SEMA5A: variants seen among roughly 807,000 people sequenced by gnomAD.
SEMA5A encodes semaphorin-5A.
In SEMA5A, 55 loss-of-function variants were observed where a neutral mutation model predicts 135.5. The observed-to-expected ratio is 0.41, with a 90% CI of 0.33 to 0.51. SEMA5A has a LOEUF of 0.51. SEMA5A is among the 20% of genes least tolerant of loss of function. SEMA5A has a pLI of 0.37. For synonymous variants in SEMA5A, 580 were observed against 546.5 expected, an observed-to-expected ratio of 1.06 and a Z score of -0.85; for missense variants, 1,290 against 1,419.9, an observed-to-expected ratio of 0.91 and a Z score of 1.47.
At chr5:9,307,202 G>GC (rs1371326782) in intron 5 of SEMA5A, among the ~76,000 whole-genome samples, 1 of 152,146 alleles carries the variant, frequency 6.6e-6, no homozygotes, top group Non-Finnish European at 1.5e-5. Context: ...AGTGGCAATA[G>GC]CCCCCACAAC....
At chr5:9,456,673 A>G (rs1758847448) in intron 1 of SEMA5A, among the ~76,000 whole-genome samples, 1 of 152,206 alleles carries the variant, frequency 6.6e-6, no homozygotes, top group African/African-American at 2.4e-5. Flanking sequence ...CCCAGCTGCA[A>G]TAACAAAGGC....
At chr5:9,231,398 C>T (rs141658684) in intron 6 of SEMA5A, among the ~76,000 whole-genome samples, 7 of 125,244 alleles carry the variant, frequency 5.6e-5, no homozygotes, top group Admixed American at 3.2e-4. Flanking sequence ...ACTCAGGAGG[C>T]GGAGCTTACA....
intron 5 of SEMA5A, among the ~76,000 whole-genome samples, chr5:9,299,201 A>T (rs935162865): frequency 6.6e-6 from 1 of 152,156 alleles, no homozygotes; most frequent in Non-Finnish European, 1.5e-5. Flanking sequence ...TCATCTATTC[A>T]TCTGGTCTAA....
intron 1 of SEMA5A, among the ~76,000 whole-genome samples, chr5:9,491,203 G>A (rs1195247969): frequency 2.0e-5 from 3 of 152,112 alleles, no homozygotes; most frequent in African/African-American, 7.2e-5. Flanking sequence ...TCCCCCACTA[G>A]GAGACAGTAA....
chr5:9,393,717 A>T (rs1756266290), intron 2 of SEMA5A, among the ~76,000 whole-genome samples: 1 of 152,222 alleles, frequency 6.6e-6, no homozygotes, highest in Admixed American at 6.5e-5. Flanking sequence ...TAACAAACAA[A>T]TTAGTGTCTT....
At chr5:9,441,748 C>T (rs1393962969) in intron 1 of SEMA5A, among the ~76,000 whole-genome samples, 1 of 152,102 alleles carries the variant, frequency 6.6e-6, no homozygotes, top group Non-Finnish European at 1.5e-5. Flanking sequence ...CCAGCATCGG[C>T]TAGCAGCAGC....
At chr5:9,250,447 CT>C (rs1354628590) in intron 5 of SEMA5A, among the ~76,000 whole-genome samples, 1 of 152,134 alleles carries the variant, frequency 6.6e-6, no homozygotes, top group Non-Finnish European at 1.5e-5. Flanking sequence ...CTATACGATC[CT>C]GTTTAAAGAA....
chr5:9,342,099 A>C (rs1186530317), intron 3 of SEMA5A, among the ~76,000 whole-genome samples: 1 of 152,156 alleles, frequency 6.6e-6, no homozygotes, highest in Non-Finnish European at 1.5e-5. Flanking sequence ...AAGAAAAAAA[A>C]ATCAAAGAAA....
At chr5:9,103,978 T>C (rs1277276524) in intron 16 of SEMA5A, among the ~76,000 whole-genome samples, 2 of 152,198 alleles carry the variant, frequency 1.3e-5, no homozygotes, top group Non-Finnish European at 2.9e-5. Flanking sequence ...AGAAGAGCTA[T>C]AGAAAGACAA....
chr5:9,499,307 C>A (rs1048946161), intron 1 of SEMA5A, among the ~76,000 whole-genome samples: 1 of 152,132 alleles, frequency 6.6e-6, no homozygotes, highest in African/African-American at 2.4e-5. Context: ...TCCACCTCAC[C>A]TGACTCAATT....
At chr5:9,291,325 A>G (rs1751064457) in intron 5 of SEMA5A, among the ~76,000 whole-genome samples, 1 of 152,170 alleles carries the variant, frequency 6.6e-6, no homozygotes, top group Non-Finnish European at 1.5e-5. Context: ...CTGGTCATCC[A>G]TCCACAACTG....
rs139183968 is a variant in SEMA5A, at chr5:9,485,590, G to A, written c.-174-47738C>T. Reference sequence around the variant, plus strand: ...CCCTGTGTCAAGCAGCAGGAGCATAGTCTGTCTAGATAGAGCCACCAGGGT... The same window carrying A: ...CCCTGTGTCAAGCAGCAGGAGCATAATCTGTCTAGATAGAGCCACCAGGGT... On this transcript the variant is annotated intron_variant, in intron 1 of 22. Coordinates refer to ENST00000382496, the MANE Select transcript of SEMA5A (RefSeq NM_003966.3). Among the ~76,000 whole-genome samples the A allele has an allele frequency of 8.1e-4, 124 of 152,334 alleles. 2 individuals carry two copies. The East Asian group carries it at 0.023, about 28-fold the overall frequency.
chr5:9,069,973 C>T (rs1366686739), intron 16 of SEMA5A, among the ~76,000 whole-genome samples: 2 of 152,174 alleles, frequency 1.3e-5, no homozygotes, highest in Non-Finnish European at 2.9e-5. Flanking sequence ...GATGCTCTCA[C>T]CTCTGGATTG....
At position 9,137,531 on chromosome 5, in the gene SEMA5A, C is replaced by T. The variant is rs149171037; in HGVS notation, c.1482-910G>A. ...TATACAGAAGATAATGTCATGGGCA[C>T]GCAGGACATTGAACCTGGGAATTCT... On this transcript the variant is annotated intron_variant, in intron 12 of 22. Coordinates refer to ENST00000382496, the MANE Select transcript of SEMA5A (RefSeq NM_003966.3). Among the ~76,000 whole-genome samples, 48 of 152,128 alleles carry T rather than the reference C, an allele frequency of 3.2e-4. 1 individual carries two copies. In the Middle Eastern group the frequency reaches 0.014, roughly 43 times the overall value.
At chr5:9,326,135 A>G (rs1190921055) in intron 4 of SEMA5A, among the ~76,000 whole-genome samples, 1 of 152,176 alleles carries the variant, frequency 6.6e-6, no homozygotes, top group Non-Finnish European at 1.5e-5. Flanking sequence ...TACTTTCCTC[A>G]CTGCAAGTTT....
chr5:9,276,379 A>G (rs1392007070), intron 5 of SEMA5A, among the ~76,000 whole-genome samples: 1 of 152,230 alleles, frequency 6.6e-6, no homozygotes, highest in Non-Finnish European at 1.5e-5. Flanking sequence ...AAATGGCCAT[A>G]CTGCCCAAAG....
At chr5:9,046,092 T>C (rs257089) in intron 21 of SEMA5A, among the ~76,000 whole-genome samples, 111,148 of 152,090 alleles carry the variant, frequency 0.73, 41,394 homozygotes, top group East Asian at 0.95. Context: ...TCCTCTGTGT[T>C]GTTAGAACCA....
intron 16 of SEMA5A, among the ~76,000 whole-genome samples, chr5:9,086,438 A>G (rs1200602482): frequency 6.6e-6 from 1 of 152,096 alleles, no homozygotes; most frequent in Non-Finnish European, 1.5e-5. Context: ...AAGTCTCACA[A>G]GATCTGATGG....
At chr5:9,230,087 T>G (rs1413323030) in intron 6 of SEMA5A, among the ~76,000 whole-genome samples, 3 of 151,648 alleles carry the variant, frequency 2.0e-5, no homozygotes, top group Non-Finnish European at 4.4e-5. Flanking sequence ...TGGGCTCAAG[T>G]GATCCTCTCA....
Sources: gnomAD v4.1 joint callset for allele counts (sites outside exome capture counted in the v4.1 genomes callset) on GRCh38, gnomAD v4.1.1 for gene constraint, MANE v1.5 for transcripts, NCBI Gene and HGNC (gene_info 2026-07-23, HGNC 2026-07-21) for gene names.